Variants in AREL1 observed in about 807,000 individuals in gnomAD.
AREL1 encodes apoptosis resistant E3 ubiquitin protein ligase 1.
Under a neutral mutation model 99.0 loss-of-function variants are expected in AREL1, and 62 were observed. That is an observed-to-expected ratio of 0.63 (90% CI 0.51 to 0.77). The LOEUF is 0.77. Among genes scored for constraint, AREL1 ranks in the 30% least tolerant of loss-of-function variants. The pLI is 0.00. For missense variants in AREL1, 879 were observed against 1,027.6 expected (o/e 0.86, Z 1.98); for synonymous variants, 380 against 376.5 (o/e 1.01, Z -0.11).
chr14:74,684,730 C>CT, intron 3 of AREL1, 50 bp from the exon 4 acceptor site: 2 of 1,540,328 alleles, frequency 1.3e-6, no homozygotes, highest in South Asian at 1.1e-5. Context: ...CACATTACAG[C>CT]TTTTCATTAT....
intron 5 of AREL1, among the ~76,000 whole-genome samples, chr14:74,677,030 A>T (rs1235809771): frequency 6.6e-6 from 1 of 151,428 alleles, no homozygotes; most frequent in Non-Finnish European, 1.5e-5. Context: ...CGATCTCCTG[A>T]CCTCCTGATC....
chr14:74,676,394 A>T, intron 6 of AREL1, 73 bp from the exon 7 acceptor site: 1 of 1,527,950 alleles, frequency 6.5e-7, no homozygotes, highest in Non-Finnish European at 8.9e-7. Context: ...CTCCTTACAA[A>T]GAGCTTTCCT....
chr14:74,672,024 G>A (rs1200984405), intron 11 of AREL1: 2 of 454,528 alleles, frequency 4.4e-6, no homozygotes, highest in South Asian at 3.1e-5. Flanking sequence ...CTCATTCCTG[G>A]GGAATGTAAG....
intron 1 of AREL1, chr14:74,701,915 C>A (rs1422555711): frequency 6.6e-6 from 1 of 152,236 alleles, no homozygotes. Context: ...TCCAGCAGGG[C>A]AGTCAAATCT....
intron 4 of AREL1, 65 bp from the exon 5 acceptor site, chr14:74,683,598 T>A: frequency 8.2e-6 from 12 of 1,470,088 alleles, no homozygotes; most frequent in Non-Finnish European, 1.1e-5. Flanking sequence ...CTGTGTAGAG[T>A]GAGTGGGGAG....
chr14:74,708,116 G>C (rs566070742), intron 1 of AREL1, among the ~76,000 whole-genome samples: 18 of 152,300 alleles, frequency 1.2e-4, no homozygotes, highest in Non-Finnish European at 2.1e-4. Flanking sequence ...TAATTTCTTA[G>C]ATGTGACAGT....
intron 1 of AREL1, among the ~76,000 whole-genome samples, chr14:74,697,832 C>T (rs1208088439): frequency 6.6e-6 from 1 of 152,116 alleles, no homozygotes; most frequent in African/African-American, 2.4e-5. Flanking sequence ...AGGCAATCCC[C>T]CAAATCACAG....
chr14:74,703,064 A>G (rs764311606), intron 1 of AREL1, among the ~76,000 whole-genome samples: 1 of 152,170 alleles, frequency 6.6e-6, no homozygotes, highest in Non-Finnish European at 1.5e-5. Flanking sequence ...CCAGTTCCAA[A>G]GTTACTTCCA....
chr14:74,688,551 T>C (rs2089798999), intron 2 of AREL1, among the ~76,000 whole-genome samples: 2 of 152,222 alleles, frequency 1.3e-5, no homozygotes, highest in Admixed American at 1.3e-4. Context: ...CTATTCATCA[T>C]TTAAAACTCA....
intron 8 of AREL1, among the ~76,000 whole-genome samples, chr14:74,675,246 A>G (rs1344646023): frequency 6.6e-6 from 1 of 152,258 alleles, no homozygotes; most frequent in African/African-American, 2.4e-5. Context: ...GAAGTAGAAC[A>G]GAATTAGAAC....
At chr14:74,682,924 A>G (rs1447979198) in intron 5 of AREL1, among the ~76,000 whole-genome samples, 1 of 152,232 alleles carries the variant, frequency 6.6e-6, no homozygotes, top group African/African-American at 2.4e-5. Flanking sequence ...CAGAACCATG[A>G]GCCAAATAAA....
chr14:74,669,648 C>A lies in AREL1; in HGVS notation c.1914+1G>T. On this transcript the variant is annotated splice_donor_variant, in intron 15 of 19. Coordinates refer to ENST00000356357, the MANE Select transcript of AREL1 (RefSeq NM_001039479.2). LOFTEE classifies it high-confidence loss of function. ...CCCAGAGGCTTTGTCCTCTTTCTCACCTTATCCAATTGACCTGATTTATTA... is the reference window on the plus strand; with the variant it reads ...CCCAGAGGCTTTGTCCTCTTTCTCAACTTATCCAATTGACCTGATTTATTA... 1 of 1,613,852 alleles carries A rather than the reference C, an allele frequency of 6.2e-7. No homozygotes were observed. Among genetic ancestry groups the A allele is most frequent in the Non-Finnish European group, 8.5e-7 (1 of 1,179,846 alleles).
intron 18 of AREL1, among the ~76,000 whole-genome samples, chr14:74,664,316 A>G (rs1367241419): frequency 6.6e-6 from 1 of 152,178 alleles, no homozygotes; most frequent in Non-Finnish European, 1.5e-5. Context: ...TGTGGCAGTC[A>G]GCATGACAGC....
chr14:74,683,092 T>G (rs1179740197), intron 5 of AREL1, among the ~76,000 whole-genome samples: 1 of 152,196 alleles, frequency 6.6e-6, no homozygotes, highest in African/African-American at 2.4e-5. Flanking sequence ...ATGGGGTTTC[T>G]TTTTGAGGTG....
intron 5 of AREL1, 26 bp from the exon 6 acceptor site, chr14:74,676,778 C>CATTT (rs775114311): frequency 2.0e-4 from 294 of 1,490,788 alleles, no homozygotes; most frequent in Non-Finnish European, 2.6e-4. Context: ...TGGAATCTAA[C>CATTT]ATTTATTTAT....
rs187921820 is a variant in AREL1 at position 74,688,269 on chromosome 14, C to T, written c.-45-2609G>A. Among the ~76,000 whole-genome samples, 239 of 152,186 alleles carry T rather than the reference C, an allele frequency of 1.6e-3. 1 individual carries two copies. The highest frequency in any genetic ancestry group is 5.3e-3 in the African/African-American group (221 of 41,546). On this transcript the variant is annotated intron_variant, in intron 2 of 19. Coordinates refer to ENST00000356357, the MANE Select transcript of AREL1 (RefSeq NM_001039479.2). ...CTCGATCTCATGACCTCGTGATCCA[C>T]CCGCCTCAGCCTCCCAAAGTGCTGG... is the stretch of plus-strand genomic sequence containing the variant.
chr14:74,705,117 G>A (rs979884944), intron 1 of AREL1, among the ~76,000 whole-genome samples: 6 of 150,656 alleles, frequency 4.0e-5, no homozygotes, highest in African/African-American at 1.2e-4. Flanking sequence ...TCGGCTCACC[G>A]CAACCTCCAC....
Position 74,664,876 on chromosome 14 carries a change from T to C in AREL1, c.2153A>G (p.His718Arg), listed in dbSNP as rs747315835. 3 of 1,613,842 alleles carry C rather than the reference T, an allele frequency of 1.9e-6. No homozygotes were observed. The highest frequency in any genetic ancestry group is 1.1e-5 in the South Asian group (1 of 91,086). Residue 718 changes from histidine to arginine, a missense_variant, in exon 18 of 20, where the codon CAT becomes CGT. Transcript: ENST00000356357. ...CCATGAGCCACCAACAACTACTGCA[T>C]GGGCTTTGAAGTCAGACACACTGAT... ...GDISVSDFKA[H>R]AVVVGGSWHF...
In AREL1 at chr14:74,667,422, A is replaced by G. The variant is rs772494627; in HGVS notation, c.2044+43T>C. 2.2e-5 allele frequency: 36 copies of G among 1,614,092 alleles called. No homozygotes were observed. The South Asian group carries it at 4.0e-4, about 18-fold the overall frequency. ...TTAAAGTCATACCCACACCATGGATACAGGTATTTTAACTTCAAGGCCAAG... is the reference window on the plus strand; with the variant it reads ...TTAAAGTCATACCCACACCATGGATGCAGGTATTTTAACTTCAAGGCCAAG... On this transcript the variant is annotated intron_variant, in intron 16 of 19. Transcript: ENST00000356357.
Sources: allele counts gnomAD v4.1 joint callset (sites outside exome capture counted in the v4.1 genomes callset), GRCh38; gene constraint gnomAD v4.1.1; transcripts MANE v1.5; gene names NCBI Gene and HGNC (gene_info 2026-07-23, HGNC 2026-07-21).